PID1: variants seen among roughly 807,000 people sequenced by gnomAD.
PID1 encodes PTB-containing, cubilin and LRP1-interacting protein.
PID1 carries 10 observed loss-of-function variants against 19.1 expected under a neutral mutation model. That is an observed-to-expected ratio of 0.52 (90% CI 0.32 to 0.89). The LOEUF (loss-of-function observed/expected upper bound fraction) is 0.89, where lower values mean the gene tolerates loss of function less well. Ranked by LOEUF, PID1 falls within the 40% of genes least tolerant of loss-of-function variation. The probability of loss-of-function intolerance (pLI) is 0.03; values close to 1 mark genes in which losing one functional copy is unlikely to be tolerated. For synonymous variants in PID1, 130 were observed against 116.0 expected (o/e 1.12, Z -0.78); for missense variants, 248 against 285.3 (o/e 0.87, Z 0.94).
intron 2 of PID1, among the ~76,000 whole-genome samples, chr2:229,067,021 T>C (rs895732557): frequency 1.3e-5 from 2 of 152,170 alleles, no homozygotes; most frequent in Admixed American, 6.5e-5. Flanking sequence ...AGAGGTTTAA[T>C]TGATTCACAG....
chr2:229,158,163 T>C (rs956887488), intron 1 of PID1, among the ~76,000 whole-genome samples: 3 of 152,226 alleles, frequency 2.0e-5, no homozygotes, highest in Non-Finnish European at 4.4e-5. Flanking sequence ...TAGAACAGCA[T>C]TAAATGGCAA....
At chr2:229,141,304 A>T (rs1690006493) in intron 2 of PID1, among the ~76,000 whole-genome samples, 1 of 152,090 alleles carries the variant, frequency 6.6e-6, no homozygotes, top group Non-Finnish European at 1.5e-5. Flanking sequence ...GATGTTCCTG[A>T]TAGACCAGGA....
At chr2:229,249,313 A>G (rs1690086098) in intron 1 of PID1, among the ~76,000 whole-genome samples, 1 of 152,222 alleles carries the variant, frequency 6.6e-6, no homozygotes, top group South Asian at 2.1e-4. Context: ...TCTAAAGATA[A>G]ATGTAAGAAA....
chr2:229,062,936 G>T (rs745725366), intron 2 of PID1, among the ~76,000 whole-genome samples: 9 of 151,904 alleles, frequency 5.9e-5, no homozygotes. Flanking sequence ...AGTACTTTAT[G>T]ATCCTTTGTA....
In PID1 at chr2:229,128,782, A is replaced by C. The variant is rs1213258902; in HGVS notation, c.177+27036T>G. ...TATTCTTATCATAAAGAGATGAATA[A>C]ATTAATGGGTAAAAAAATAGAAAGA... On this transcript the variant is annotated intron_variant, in intron 2 of 2. Transcript: ENST00000392055. Among the ~76,000 whole-genome samples, 3 of 152,238 alleles carry C rather than the reference A, an allele frequency of 2.0e-5. No homozygotes were observed. The East Asian group carries it at 5.8e-4, about 29-fold the overall frequency.
chr2:229,086,607 T>C (rs1397538966), intron 2 of PID1, among the ~76,000 whole-genome samples: 1 of 152,108 alleles, frequency 6.6e-6, no homozygotes, highest in Non-Finnish European at 1.5e-5. Context: ...TGCTGATGCA[T>C]CCAAACATTA....
chr2:229,210,209 G>A (rs1278614261), intron 1 of PID1, among the ~76,000 whole-genome samples: 2 of 151,596 alleles, frequency 1.3e-5, no homozygotes, highest in Admixed American at 1.3e-4. Flanking sequence ...GCAAGGAGGT[G>A]ACACAAAAAC....
chr2:229,037,051 C>T (rs903956365), intron 2 of PID1, among the ~76,000 whole-genome samples: 2 of 151,992 alleles, frequency 1.3e-5, no homozygotes, highest in East Asian at 1.9e-4. Flanking sequence ...TCAAACATGC[C>T]GATTTTATAA....
intron 1 of PID1, among the ~76,000 whole-genome samples, chr2:229,195,028 G>A (rs1465662163): frequency 1.3e-5 from 2 of 151,850 alleles, no homozygotes; most frequent in African/African-American, 4.8e-5. Context: ...GACAGTCAGT[G>A]AATGTTTTAC....
At chr2:229,059,185 T>C (rs1342678618) in intron 2 of PID1, among the ~76,000 whole-genome samples, 1 of 152,074 alleles carries the variant, frequency 6.6e-6, no homozygotes, top group African/African-American at 2.4e-5. Context: ...CAGAATAGAA[T>C]TGATGGAAAT....
chr2:229,029,986 G>A (rs1693513059), intron 2 of PID1, among the ~76,000 whole-genome samples: 1 of 152,014 alleles, frequency 6.6e-6, no homozygotes, highest in African/African-American at 2.4e-5. Flanking sequence ...TAGCTAAAAA[G>A]TAGAAGAAAT....
chr2:229,227,544 G>C (rs1305733439), intron 1 of PID1, among the ~76,000 whole-genome samples: 1 of 152,174 alleles, frequency 6.6e-6, no homozygotes, highest in Admixed American at 6.5e-5. Flanking sequence ...TTCAGAGGCT[G>C]GAAATGCTCA....
intron 2 of PID1, among the ~76,000 whole-genome samples, chr2:229,059,437 A>T (rs1694167213): frequency 1.3e-5 from 2 of 152,238 alleles, no homozygotes; most frequent in African/African-American, 4.8e-5. Flanking sequence ...GTGTTTTCAC[A>T]TATAATCTCA....
intron 2 of PID1, among the ~76,000 whole-genome samples, chr2:229,082,974 C>G (rs1320930717): frequency 6.6e-6 from 1 of 151,970 alleles, no homozygotes; most frequent in Non-Finnish European, 1.5e-5. Context: ...AATTGATGCC[C>G]ATAAATTGAC....
At chr2:229,044,845 G>C (rs1242932513) in intron 2 of PID1, among the ~76,000 whole-genome samples, 2 of 152,182 alleles carry the variant, frequency 1.3e-5, no homozygotes, top group Non-Finnish European at 2.9e-5. Flanking sequence ...CACACTGCTT[G>C]AGCCCAATAA....
intron 2 of PID1, among the ~76,000 whole-genome samples, chr2:229,092,501 C>T (rs1694896271): frequency 6.6e-6 from 1 of 152,180 alleles, no homozygotes. Context: ...AGGAATCTCT[C>T]TAGTGGCACC....
At chr2:229,095,062 C>T (rs114313370) in intron 2 of PID1, among the ~76,000 whole-genome samples, 14 of 152,082 alleles carry the variant, frequency 9.2e-5, no homozygotes, top group African/African-American at 1.4e-4. Context: ...GCCAAAGACA[C>T]GTAGCTCCTG....
At chr2:229,091,491 A>G (rs1371990693) in intron 2 of PID1, among the ~76,000 whole-genome samples, 1 of 152,166 alleles carries the variant, frequency 6.6e-6, no homozygotes, top group Non-Finnish European at 1.5e-5. Flanking sequence ...GACGGTATGA[A>G]GATGTGGGGC....
rs1252629479 is a variant in PID1 at position 229,079,966 on chromosome 2, G to A, written c.178-53858C>T. 2.6e-5 allele frequency among the ~76,000 whole-genome samples: 4 copies of A among 152,284 alleles called. No individual in the cohort carries two copies. In the East Asian group the frequency reaches 5.8e-4, roughly 22 times the overall value. ...TGGAAGCTGTGAAGTGGGTCCAGGAGGGAGCTTGCCTGGGACTCTGCCGGT... is the reference window on the plus strand; with the variant it reads ...TGGAAGCTGTGAAGTGGGTCCAGGAAGGAGCTTGCCTGGGACTCTGCCGGT... On this transcript the variant is annotated intron_variant, in intron 2 of 2. Transcript: ENST00000392055.
Sources: allele counts gnomAD v4.1 joint callset (sites outside exome capture counted in the v4.1 genomes callset), GRCh38; gene constraint gnomAD v4.1.1; transcripts MANE v1.5; gene names NCBI Gene and HGNC (gene_info 2026-07-23, HGNC 2026-07-21).